Variants in PPFIA2 observed in about 807,000 individuals in gnomAD.
PPFIA2 encodes liprin-alpha-2.
A neutral mutation model predicts 175.5 loss-of-function variants in PPFIA2; 46 were observed. That is an observed-to-expected ratio of 0.26 (90% CI 0.21 to 0.34). The LOEUF (loss-of-function observed/expected upper bound fraction) is 0.34, where lower values mean the gene tolerates loss of function less well. PPFIA2 is among the 10% of genes least tolerant of loss of function. The pLI is 1.00. For missense variants in PPFIA2, 1,179 were observed against 1,506.1 expected (o/e 0.78, Z 3.60); for synonymous variants, 568 against 511.4 (o/e 1.11, Z -1.49).
intron 4 of PPFIA2, among the ~76,000 whole-genome samples, chr12:81,656,535 CAGA>C (rs1284469874): frequency 1.3e-5 from 2 of 151,974 alleles, no homozygotes; most frequent in South Asian, 4.2e-4. Context: ...AATAATTTTG[CAGA>C]AGGAGTTGTC....
At chr12:81,567,251 G>A (rs961795148) in intron 4 of PPFIA2, among the ~76,000 whole-genome samples, 40 of 152,110 alleles carry the variant, frequency 2.6e-4, no homozygotes, top group African/African-American at 8.4e-4. Context: ...GGGTTTCACC[G>A]TGTTAGCCAG....
chr12:81,633,235 T>C (rs11610302), intron 4 of PPFIA2, among the ~76,000 whole-genome samples: 7,001 of 152,184 alleles, frequency 0.046, 259 homozygotes, highest in Non-Finnish European at 0.071. Flanking sequence ...CTCATACACT[T>C]TGAATACATC....
At chr12:81,593,553 C>A (rs1206586426) in intron 4 of PPFIA2, among the ~76,000 whole-genome samples, 1 of 152,164 alleles carries the variant, frequency 6.6e-6, no homozygotes, top group African/African-American at 2.4e-5. Context: ...ATGAGGAACA[C>A]AGCTTAATAA....
At chr12:81,337,989 G>T (rs1421283313) in intron 21 of PPFIA2, among the ~76,000 whole-genome samples, 1 of 152,030 alleles carries the variant, frequency 6.6e-6, no homozygotes, top group East Asian at 1.9e-4. Flanking sequence ...TAATTCCTTT[G>T]CTGGAGAACA....
intron 4 of PPFIA2, among the ~76,000 whole-genome samples, chr12:81,583,711 A>G (rs2074757389): frequency 6.6e-6 from 1 of 151,848 alleles, no homozygotes; most frequent in African/African-American, 2.4e-5. Context: ...TGTGCATAAC[A>G]CAACATGGAG....
intron 22 of PPFIA2, among the ~76,000 whole-genome samples, chr12:81,314,842 A>T (rs993301953): frequency 6.6e-6 from 1 of 150,816 alleles, no homozygotes; most frequent in East Asian, 2.0e-4. Flanking sequence ...ATGGCTGGTA[A>T]CTGAAATGGA....
intron 2 of PPFIA2, among the ~76,000 whole-genome samples, chr12:81,756,210 A>G (rs2471489): frequency 0.84 from 127,066 of 152,014 alleles, 54,623 homozygotes; most frequent in Middle Eastern, 0.96. Context: ...TCATAGCATC[A>G]TGACAATTTG....
intron 4 of PPFIA2, among the ~76,000 whole-genome samples, chr12:81,626,158 G>A (rs12826603): frequency 0.31 from 46,312 of 150,560 alleles, 9,489 homozygotes; most frequent in African/African-American, 0.59. Context: ...TTAACTTTAC[G>A]TATATTTCCT....
chr12:81,401,124 C>T (rs570861555), intron 8 of PPFIA2, among the ~76,000 whole-genome samples: 1 of 152,146 alleles, frequency 6.6e-6, no homozygotes, highest in East Asian at 1.9e-4. Flanking sequence ...CCCTTTTACA[C>T]TGTGTATATT....
chr12:81,577,567 G>T (rs2073770814), intron 4 of PPFIA2, among the ~76,000 whole-genome samples: 1 of 151,792 alleles, frequency 6.6e-6, no homozygotes, highest in South Asian at 2.1e-4. Context: ...TTTTAGAAAA[G>T]ATTTTCAGCA....
At chr12:81,582,922 T>A (rs952420164) in intron 4 of PPFIA2, among the ~76,000 whole-genome samples, 6 of 151,876 alleles carry the variant, frequency 4.0e-5, no homozygotes, top group African/African-American at 1.4e-4. Flanking sequence ...GTTTTTCTAT[T>A]TTTTTGAGAA....
At chr12:81,390,855 C>T (rs2039987826) in intron 8 of PPFIA2, among the ~76,000 whole-genome samples, 1 of 150,996 alleles carries the variant, frequency 6.6e-6, no homozygotes. Context: ...AAAATCAATC[C>T]CCAACAGAAG....
chr12:81,716,789 A>T (rs557009111), intron 3 of PPFIA2, among the ~76,000 whole-genome samples: 1 of 151,840 alleles, frequency 6.6e-6, no homozygotes, highest in African/African-American at 2.4e-5. Context: ...GATTTGTGCT[A>T]AAAATGTCTT....
At chr12:81,499,318 T>C (rs1022667076) in intron 4 of PPFIA2, among the ~76,000 whole-genome samples, 10 of 152,244 alleles carry the variant, frequency 6.6e-5, no homozygotes, top group African/African-American at 2.4e-4. Flanking sequence ...AAATTGATGA[T>C]AATCTCAAAA....
intron 4 of PPFIA2, among the ~76,000 whole-genome samples, chr12:81,491,545 T>C (rs1429230967): frequency 6.6e-6 from 1 of 151,818 alleles, no homozygotes; most frequent in African/African-American, 2.4e-5. Flanking sequence ...TAATTACTGT[T>C]AGATAAATCC....
chr12:81,725,150 T>G (rs1258052541), intron 3 of PPFIA2, among the ~76,000 whole-genome samples: 1 of 150,978 alleles, frequency 6.6e-6, no homozygotes, highest in Non-Finnish European at 1.5e-5. Flanking sequence ...TTTTCAGTTA[T>G]GTCAGATCAA....
intron 4 of PPFIA2, among the ~76,000 whole-genome samples, chr12:81,539,610 T>G (rs2153334744): frequency 6.6e-6 from 1 of 151,952 alleles, no homozygotes; most frequent in East Asian, 1.9e-4. Flanking sequence ...CAGGTGATTC[T>G]TATGCATGCT....
chr12:81,489,370 C>A (rs2059184084), intron 4 of PPFIA2, among the ~76,000 whole-genome samples: 1 of 151,710 alleles, frequency 6.6e-6, no homozygotes, highest in Non-Finnish European at 1.5e-5. Context: ...ACTCAAGATG[C>A]ATTCCCTATG....
At chr12:81,707,080 C>G (rs918297871) in intron 3 of PPFIA2, among the ~76,000 whole-genome samples, 61 of 152,090 alleles carry the variant, frequency 4.0e-4, no homozygotes, top group South Asian at 6.2e-4. Context: ...AGAAAAAAAC[C>G]TAGGCATTAC....
Sources: allele counts gnomAD v4.1 joint callset (sites outside exome capture counted in the v4.1 genomes callset), GRCh38; gene constraint gnomAD v4.1.1; transcripts MANE v1.5; gene names NCBI Gene and HGNC (gene_info 2026-07-23, HGNC 2026-07-21).